Variants in DLG2 observed in about 807,000 individuals in gnomAD.
DLG2 encodes disks large homolog 2.
A neutral mutation model predicts 132.5 loss-of-function variants in DLG2; 45 were observed. The observed-to-expected ratio is 0.34, with a 90% CI of 0.27 to 0.44. The LOEUF is 0.44. Ranked by LOEUF, DLG2 falls within the 20% of genes least tolerant of loss-of-function variation. The probability of loss-of-function intolerance (pLI) is 1.00; values close to 1 mark genes in which losing one functional copy is unlikely to be tolerated. For synonymous variants in DLG2, 424 were observed against 419.6 expected (o/e 1.01, Z -0.13); for missense variants, 1,045 against 1,196.9 (o/e 0.87, Z 1.87).
chr11:85,376,561 C>A (rs552469383), intron 3 of DLG2, among the ~76,000 whole-genome samples: 1 of 152,202 alleles, frequency 6.6e-6, no homozygotes, highest in East Asian at 1.9e-4. Context: ...TAGTAAAAAA[C>A]TTTTTAAAAA....
chr11:85,494,698 T>C (rs555255701), intron 3 of DLG2, among the ~76,000 whole-genome samples: 1 of 151,834 alleles, frequency 6.6e-6, no homozygotes, highest in East Asian at 1.9e-4. Flanking sequence ...GATAAATTAG[T>C]ATTTCAAAAG....
At chr11:85,336,299 T>C (rs2082126174) in intron 3 of DLG2, 1 of 153,320 alleles carries the variant, frequency 6.5e-6, no homozygotes, top group South Asian at 2.0e-4. Context: ...GTGCTCCCCA[T>C]GGCTGGACAA....
At chr11:83,770,708 G>A (rs1308488197) in intron 18 of DLG2, among the ~76,000 whole-genome samples, 1 of 151,854 alleles carries the variant, frequency 6.6e-6, no homozygotes, top group African/African-American at 2.4e-5. Context: ...TTTATAGCTT[G>A]TTCTGTACTC....
chr11:83,918,098 T>C (rs565688540), intron 15 of DLG2, among the ~76,000 whole-genome samples: 51 of 152,294 alleles, frequency 3.3e-4, no homozygotes, highest in African/African-American at 1.1e-3. Flanking sequence ...CTTGAACACA[T>C]GTGAATTTCT....
At chr11:83,825,169 ATATTTTTTTTTTT>A (rs1305014278) in intron 17 of DLG2, among the ~76,000 whole-genome samples, 210 of 91,202 alleles carry the variant, frequency 2.3e-3, no homozygotes, top group African/African-American at 9.2e-3. Context: ...ATATATATAT[ATATTTTTTTTTTT>A]TTTTTTTTTT....
chr11:83,880,040 G>C (rs1365448853), intron 15 of DLG2, among the ~76,000 whole-genome samples: 1 of 152,186 alleles, frequency 6.6e-6, no homozygotes, highest in African/African-American at 2.4e-5. Flanking sequence ...AAAAATATGT[G>C]GTGTGCTCTG....
intron 9 of DLG2, among the ~76,000 whole-genome samples, chr11:84,123,054 G>A (rs1193031112): frequency 6.6e-6 from 1 of 152,028 alleles, no homozygotes; most frequent in Non-Finnish European, 1.5e-5. Context: ...CATGACTATG[G>A]GTCATGGACT....
intron 3 of DLG2, among the ~76,000 whole-genome samples, chr11:85,300,972 G>A (rs1441136529): frequency 2.6e-5 from 4 of 152,060 alleles, no homozygotes; most frequent in Non-Finnish European, 5.9e-5. Flanking sequence ...AGGCAGAGGC[G>A]GGAGGATCAC....
At chr11:84,458,330 A>C (rs540001375) in intron 7 of DLG2, among the ~76,000 whole-genome samples, 5 of 150,872 alleles carry the variant, frequency 3.3e-5, no homozygotes, top group Middle Eastern at 3.2e-3. Flanking sequence ...GACTTCTGCT[A>C]AGTGTTGCCA....
intron 6 of DLG2, among the ~76,000 whole-genome samples, chr11:85,087,552 T>C (rs986319532): frequency 1.5e-4 from 23 of 152,080 alleles, no homozygotes; most frequent in African/African-American, 5.6e-4. Flanking sequence ...AAAAACCAGA[T>C]CATGGGCCGG....
In DLG2 at chr11:83,737,934, T is replaced by TTTC. The variant is rs374664560; in HGVS notation, c.1825+48753_1825+48755dup. Reference sequence around the variant, plus strand: ...GTGATGCTGCCTTACATAATCTTCTTTTCTTCTTCTTCTCTTTAATACCTG... The same window carrying TTTC: ...GTGATGCTGCCTTACATAATCTTCTTTTCTTCTTCTTCTTCTCTTTAATACCTG... On this transcript the variant is annotated intron_variant, in intron 18 of 27. Coordinates refer to ENST00000376104, the MANE Select transcript of DLG2 (RefSeq NM_001142699.3). 3.8e-3 allele frequency among the ~76,000 whole-genome samples: 583 copies of TTTC among 152,276 alleles called. 7 individuals carry two copies. The highest frequency in any genetic ancestry group is 0.013 in the African/African-American group (546 of 41,566).
intron 3 of DLG2, among the ~76,000 whole-genome samples, chr11:85,438,810 G>A (rs1050867214): frequency 1.3e-5 from 2 of 152,094 alleles, no homozygotes; most frequent in African/African-American, 4.8e-5. Context: ...GACACCTCTT[G>A]TCCTTTTATA....
chr11:84,391,171 T>C (rs996708831), intron 7 of DLG2, among the ~76,000 whole-genome samples: 33 of 152,326 alleles, frequency 2.2e-4, no homozygotes, highest in Admixed American at 2.1e-3. Flanking sequence ...AGTAGGAAAC[T>C]ACTTAATAAG....
intron 10 of DLG2, among the ~76,000 whole-genome samples, chr11:84,070,138 T>C (rs1167860624): frequency 3.3e-5 from 5 of 152,244 alleles, no homozygotes; most frequent in Admixed American, 3.3e-4. Flanking sequence ...GTAACATATA[T>C]AAAATTAAAA....
chr11:84,121,142 G>A (rs1187004414), intron 9 of DLG2, among the ~76,000 whole-genome samples: 1 of 152,172 alleles, frequency 6.6e-6, no homozygotes, highest in Non-Finnish European at 1.5e-5. Context: ...AACAGGCACA[G>A]TCCTCACTTT....
chr11:83,567,737 A>C (rs1046216732), intron 19 of DLG2, among the ~76,000 whole-genome samples: 2 of 152,204 alleles, frequency 1.3e-5, no homozygotes, highest in Admixed American at 6.6e-5. Flanking sequence ...AAGTATAGTG[A>C]AGATGGCAGC....
chr11:84,224,595 C>T (rs2096963624), intron 8 of DLG2, among the ~76,000 whole-genome samples: 1 of 152,086 alleles, frequency 6.6e-6, no homozygotes, highest in African/African-American at 2.4e-5. Flanking sequence ...CATTCTTAAT[C>T]CTATGTGATA....
chr11:84,718,306 T>G (rs1183027881), intron 6 of DLG2, among the ~76,000 whole-genome samples: 2 of 152,062 alleles, frequency 1.3e-5, no homozygotes, highest in Non-Finnish European at 2.9e-5. Context: ...CAAACACACA[T>G]GACATAGGTG....
rs1025099169 is a variant in DLG2 at position 83,968,207 on chromosome 11, C to T, written c.1057-2739G>A. Reference sequence around the variant, plus strand: ...TACCATACTTTGCAGCACTACTATTCGTAATCTTTATTATTTTGCTCCATG... The same window carrying T: ...TACCATACTTTGCAGCACTACTATTTGTAATCTTTATTATTTTGCTCCATG... On this transcript the variant is annotated intron_variant, in intron 12 of 27. Coordinates refer to ENST00000376104, the MANE Select transcript of DLG2 (RefSeq NM_001142699.3). 2.6e-5 allele frequency among the ~76,000 whole-genome samples: 4 copies of T among 152,252 alleles called. No individual in the cohort carries two copies. The South Asian group carries it at 6.2e-4, about 24-fold the overall frequency.
Sources: allele counts gnomAD v4.1 joint callset (sites outside exome capture counted in the v4.1 genomes callset), GRCh38; gene constraint gnomAD v4.1.1; transcripts MANE v1.5; gene names NCBI Gene and HGNC (gene_info 2026-07-23, HGNC 2026-07-21).